SASH1: variants seen among roughly 807,000 people sequenced by gnomAD.
SASH1 encodes SAM and SH3 domain-containing protein 1.
SASH1 carries 44 observed loss-of-function variants against 125.2 expected under a neutral mutation model. The ratio of observed to expected loss-of-function variants is 0.35; its 90% CI spans 0.28 to 0.45. The LOEUF is 0.45. Among genes scored for constraint, SASH1 ranks in the 20% least tolerant of loss-of-function variants. The probability of loss-of-function intolerance (pLI) is 1.00; values close to 1 mark genes in which losing one functional copy is unlikely to be tolerated. For synonymous variants in SASH1, 639 were observed against 649.1 expected (o/e 0.98, Z 0.24); for missense variants, 1,426 against 1,614.5 (o/e 0.88, Z 2.00).
chr6:148,406,687 C>T lies in SASH1; in HGVS notation c.285+16425C>T, dbSNP rs988623042. The stretch of plus-strand genomic sequence containing the variant: ...GAGGAGCAGAGAGAATCAGGCTTTC[C>T]AAGGGAGGAGCAGAGAGAATCAGGT... On this transcript the variant is annotated intron_variant, in intron 2 of 19. Transcript: ENST00000367467. Among the ~76,000 whole-genome samples, 8 of 152,090 alleles carry T rather than the reference C, an allele frequency of 5.3e-5. No homozygotes were observed. In the South Asian group the frequency reaches 1.5e-3, roughly 28 times the overall value.
intron 4 of SASH1, among the ~76,000 whole-genome samples, chr6:148,446,912 C>T (rs772451226): frequency 1.3e-5 from 2 of 152,224 alleles, no homozygotes; most frequent in Admixed American, 6.5e-5. Flanking sequence ...AACCACAGAG[C>T]TGTAATTCCA....
intron 1 of SASH1, among the ~76,000 whole-genome samples, chr6:148,359,924 A>G (rs1421801523): frequency 2.0e-5 from 3 of 152,064 alleles, no homozygotes; most frequent in African/African-American, 7.2e-5. Flanking sequence ...ATGCCTGGCT[A>G]ATTTTTTGTA....
the SASH1 span, among the ~76,000 whole-genome samples, chr6:148,225,745 A>G: frequency 2.0e-4 from 30 of 152,368 alleles, 1 homozygote; most frequent in South Asian, 6.0e-3. Flanking sequence ...AAATAAAAAT[A>G]AAGGTTGAAT....
intron 8 of SASH1, among the ~76,000 whole-genome samples, chr6:148,492,827 T>TATATATAAATAA (rs1779161163): frequency 6.9e-6 from 1 of 145,522 alleles, no homozygotes; most frequent in African/African-American, 2.5e-5. Context: ...TCTCATAAAA[T>TATATATAAATAA]ATAAATAAAT....
chr6:148,446,681 C>A (rs958881885), intron 4 of SASH1, among the ~76,000 whole-genome samples: 5 of 152,110 alleles, frequency 3.3e-5, no homozygotes, highest in Admixed American at 6.5e-5. Flanking sequence ...AAGGCATAGA[C>A]AGGTAATAAT....
chr6:148,487,112 C>CACACACAT (rs773423176), intron 7 of SASH1, among the ~76,000 whole-genome samples: 1 of 120,660 alleles, frequency 8.3e-6, no homozygotes, highest in Admixed American at 8.4e-5. Flanking sequence ...CACACACACA[C>CACACACAT]ATATATATAT....
intron 8 of SASH1, among the ~76,000 whole-genome samples, chr6:148,511,109 A>C (rs1780098185): frequency 6.6e-6 from 1 of 152,168 alleles, no homozygotes; most frequent in African/African-American, 2.4e-5. Flanking sequence ...TCTCCAGTTT[A>C]GAAGAAATGC....
intron 17 of SASH1, among the ~76,000 whole-genome samples, chr6:148,542,227 A>ACTT (rs138532789): frequency 0.015 from 2,259 of 152,308 alleles, 32 homozygotes; most frequent in African/African-American, 0.031. Context: ...CAAAAATGGA[A>ACTT]CTTATATATA....
intron 10 of SASH1, among the ~76,000 whole-genome samples, chr6:148,521,052 T>C (rs980775095): frequency 2.0e-5 from 3 of 152,216 alleles, no homozygotes; most frequent in African/African-American, 7.2e-5. Flanking sequence ...GTACTCACTT[T>C]CAAAGAGTAG....
chr6:148,325,054 C>T (rs1780758959), intron 1 of SASH1, among the ~76,000 whole-genome samples: 1 of 152,152 alleles, frequency 6.6e-6, no homozygotes, highest in Admixed American at 6.6e-5. Context: ...CATCCTTGAC[C>T]TCTGTATTAG....
intron 8 of SASH1, among the ~76,000 whole-genome samples, chr6:148,511,252 C>A (rs1780107761): frequency 6.6e-6 from 1 of 151,432 alleles, no homozygotes; most frequent in Non-Finnish European, 1.5e-5. Context: ...ATCATGGATG[C>A]AGCAATACAT....
intron 1 of SASH1, among the ~76,000 whole-genome samples, chr6:148,345,380 A>G (rs905765717): frequency 2.6e-5 from 4 of 152,218 alleles, no homozygotes; most frequent in African/African-American, 9.6e-5. Context: ...TTGAAAGGGC[A>G]GATGCAGGAG....
chr6:148,387,576 CTT>C (rs1344179502), intron 1 of SASH1, among the ~76,000 whole-genome samples: 3 of 5,408 alleles, frequency 5.5e-4, no homozygotes, highest in African/African-American at 2.2e-3. Context: ...CTCTTTCTTT[CTT>C]TCTTTCTTTC....
chr6:148,493,176 T>C (rs1310530009), intron 8 of SASH1, among the ~76,000 whole-genome samples: 2 of 152,338 alleles, frequency 1.3e-5, no homozygotes, highest in East Asian at 3.9e-4. Flanking sequence ...CCAACACCCA[T>C]GCCCACCTCT....
chr6:148,546,074 G>T lies in SASH1; in HGVS notation c.3408G>T (p.Gln1136His), dbSNP rs751924547. 6 of 1,614,260 alleles carry T rather than the reference G, an allele frequency of 3.7e-6. No individual in the cohort carries two copies. The highest frequency in any genetic ancestry group is 5.1e-6 in the Non-Finnish European group (6 of 1,180,044). The stretch of plus-strand genomic sequence containing the variant: ...AGAGATACGCAGAGGACTTGGATCA[G>T]CCCGAGCGGGACGTCGCCGCCAACA... ...LVQRYAEDLDQPERDVAANMD... is the reference protein window; with the variant it reads ...LVQRYAEDLDHPERDVAANMD... Residue 1136 changes from glutamine to histidine, a missense_variant, in exon 19 of 20, where the codon CAG becomes CAT. This residue lies in a region of SASH1 where 634 missense variants were observed against 694.4 expected (regional missense o/e 0.91). Transcript: ENST00000367467.
intron 9 of SASH1, among the ~76,000 whole-genome samples, chr6:148,518,846 G>A (rs9373567): frequency 0.08 from 12,231 of 152,240 alleles, 560 homozygotes; most frequent in South Asian, 0.12. Flanking sequence ...GAATCCCTGA[G>A]ACCAGTGGGA....
intron 4 of SASH1, among the ~76,000 whole-genome samples, chr6:148,442,942 A>AT (rs903161839): frequency 1.3e-5 from 2 of 151,760 alleles, no homozygotes; most frequent in South Asian, 2.1e-4. Context: ...CCCGGCTACT[A>AT]TTTTTTGTAT....
chr6:148,270,904 C>CTTTT (rs780443533), upstream of SASH1, among the ~76,000 whole-genome samples: 5 of 127,614 alleles, frequency 3.9e-5, no homozygotes, highest in Non-Finnish European at 6.6e-5. Context: ...TCATCCACAA[C>CTTTT]TTTTTTTTTT....
intron 10 of SASH1, 136 bp from the exon 11 acceptor site, chr6:148,525,155 T>C (rs1301639467): frequency 1.5e-6 from 1 of 682,742 alleles, no homozygotes; most frequent in African/African-American, 1.8e-5. Flanking sequence ...TTCTCATCAT[T>C]TCTCGTTTTC....
Sources: allele counts gnomAD v4.1 joint callset (sites outside exome capture counted in the v4.1 genomes callset), GRCh38; gene constraint gnomAD v4.1.1; regional missense constraint gnomAD v4.1.1; transcripts MANE v1.5; gene names NCBI Gene and HGNC (gene_info 2026-07-23, HGNC 2026-07-21).